CNTN4: variants seen among roughly 807,000 people sequenced by gnomAD.
The protein encoded by CNTN4 is contactin 4, also known as contactin-4.
Under a neutral mutation model 122.5 loss-of-function variants are expected in CNTN4, and 77 were observed. That is an observed-to-expected ratio of 0.63 (90% CI 0.52 to 0.76). The LOEUF (loss-of-function observed/expected upper bound fraction) is 0.76, where lower values mean the gene tolerates loss of function less well. CNTN4 is among the 30% of genes least tolerant of loss of function. The pLI, the probability that CNTN4 is intolerant of heterozygous loss-of-function variation, is 0.00. For synonymous variants in CNTN4, 512 were observed against 447.0 expected (o/e 1.15, Z -1.83); for missense variants, 1,256 against 1,259.1 (o/e 1.00, Z 0.04).
At chr3:2,251,823 T>C (rs955666824) in intron 2 of CNTN4, among the ~76,000 whole-genome samples, 2 of 151,916 alleles carry the variant, frequency 1.3e-5, no homozygotes, top group South Asian at 2.1e-4. Context: ...TGGTGTAGTT[T>C]TATTGAAGCC....
At chr3:2,352,451 G>T (rs1271384795) in intron 3 of CNTN4, among the ~76,000 whole-genome samples, 11 of 152,142 alleles carry the variant, frequency 7.2e-5, no homozygotes, top group African/African-American at 2.4e-4. Flanking sequence ...CTGGAGTTCC[G>T]GGTAGGTGCA....
chr3:2,676,422 A>G (rs2084848799), intron 4 of CNTN4, among the ~76,000 whole-genome samples: 1 of 152,152 alleles, frequency 6.6e-6, no homozygotes, highest in Non-Finnish European at 1.5e-5. Flanking sequence ...GGGTTTCTGT[A>G]TGTTGGCCAG....
At chr3:2,321,387 G>C (rs1479212373) in intron 2 of CNTN4, among the ~76,000 whole-genome samples, 1 of 152,080 alleles carries the variant, frequency 6.6e-6, no homozygotes, top group Admixed American at 6.6e-5. Flanking sequence ...TAATAAGGCT[G>C]TCCCCACAGA....
intron 6 of CNTN4, among the ~76,000 whole-genome samples, chr3:2,806,102 C>T (rs1559523535): frequency 6.6e-6 from 1 of 152,086 alleles, no homozygotes; most frequent in African/African-American, 2.4e-5. Flanking sequence ...GGGGTCTCAC[C>T]TTGTTAGCCA....
chr3:2,352,391 G>A (rs1036397845), intron 3 of CNTN4, among the ~76,000 whole-genome samples: 2 of 152,196 alleles, frequency 1.3e-5, no homozygotes, highest in African/African-American at 4.8e-5. Flanking sequence ...GGGAGGTGTG[G>A]AGGGAAAGGC....
At chr3:2,844,359 A>G (rs1206250802) in intron 7 of CNTN4, among the ~76,000 whole-genome samples, 3 of 152,216 alleles carry the variant, frequency 2.0e-5, no homozygotes, top group Non-Finnish European at 4.4e-5. Context: ...TGTTAAGGTC[A>G]CCATAGATAT....
intron 2 of CNTN4, among the ~76,000 whole-genome samples, chr3:2,175,101 G>C (rs1217514463): frequency 6.6e-6 from 1 of 152,090 alleles, no homozygotes; most frequent in East Asian, 1.9e-4. Context: ...ATAAATATTT[G>C]ATCTATGGAA....
intron 3 of CNTN4, among the ~76,000 whole-genome samples, chr3:2,502,305 G>A (rs774784015): frequency 6.6e-6 from 1 of 152,100 alleles, no homozygotes; most frequent in Non-Finnish European, 1.5e-5. Flanking sequence ...GTGTCTCATG[G>A]TGCATTCCTC....
Position 2,868,596 on chromosome 3 carries a change from A to C in CNTN4, c.652+1647A>C, listed in dbSNP as rs377300975. On this transcript the variant is annotated intron_variant, in intron 8 of 24. Coordinates refer to ENST00000418658, the MANE Select transcript of CNTN4 (RefSeq NM_175607.3). ...GAGAGGGTCTGAGCATCCTTTCTAC[A>C]TAGACTACACTGTGGAATTTTTGAG... 1.6e-4 allele frequency among the ~76,000 whole-genome samples: 24 copies of C among 152,232 alleles called. 1 individual carries two copies. The highest frequency in any genetic ancestry group is 5.8e-4 in the African/African-American group (24 of 41,498).
intron 11 of CNTN4, 84 bp from the exon 12 acceptor site, chr3:2,902,792 T>C (rs1316076672): frequency 1.4e-6 from 2 of 1,422,316 alleles, no homozygotes; most frequent in African/African-American, 2.8e-5. Flanking sequence ...CCATTAAGCT[T>C]CCTTGATATT....
intron 4 of CNTN4, among the ~76,000 whole-genome samples, chr3:2,625,276 A>G (rs976854940): frequency 2.0e-5 from 3 of 152,176 alleles, no homozygotes; most frequent in Non-Finnish European, 4.4e-5. Context: ...GACCCTGGAC[A>G]TCTTGGGACC....
intron 2 of CNTN4, among the ~76,000 whole-genome samples, chr3:2,319,376 A>G (rs1222288702): frequency 6.6e-6 from 1 of 152,170 alleles, no homozygotes; most frequent in Non-Finnish European, 1.5e-5. Context: ...TAACCCTTGA[A>G]CAACGTTAGC....
intron 2 of CNTN4, among the ~76,000 whole-genome samples, chr3:2,115,041 T>C (rs1009018516): frequency 2.0e-5 from 3 of 152,162 alleles, no homozygotes; most frequent in Admixed American, 6.5e-5. Context: ...CAGTCTTGTG[T>C]GATGATGAAA....
chr3:2,604,492 C>A (rs899873143), intron 4 of CNTN4, among the ~76,000 whole-genome samples: 1 of 151,986 alleles, frequency 6.6e-6, no homozygotes, highest in Admixed American at 6.6e-5. Flanking sequence ...AGATACATAT[C>A]TATGTAATAT....
chr3:2,900,584 A>T, intron 10 of CNTN4, 101 bp from the exon 11 acceptor site: 1 of 1,322,934 alleles, frequency 7.6e-7, no homozygotes, highest in Non-Finnish European at 1.1e-6. Flanking sequence ...TGGAAAAGGA[A>T]TTTTATTATA....
chr3:2,583,200 T>C (rs1330448091), intron 4 of CNTN4, among the ~76,000 whole-genome samples: 1 of 152,222 alleles, frequency 6.6e-6, no homozygotes, highest in African/African-American at 2.4e-5. Flanking sequence ...CTCTACTCTT[T>C]TCTAAGGAGC....
intron 2 of CNTN4, among the ~76,000 whole-genome samples, chr3:2,266,948 A>G (rs145259867): frequency 1.3e-4 from 20 of 152,286 alleles, no homozygotes; most frequent in East Asian, 5.8e-4. Context: ...ATGAGCAAAC[A>G]TTACTGTGAT....
At position 2,340,710 on chromosome 3, in the gene CNTN4, T is replaced by TATATATATATATAG; in HGVS notation, c.-89+1478_-89+1479insTATATATATATAGA. On this transcript the variant is annotated intron_variant, in intron 3 of 24. Coordinates refer to ENST00000418658, the MANE Select transcript of CNTN4 (RefSeq NM_175607.3). ...TTATATATATATATATATATATATA[T>TATATATATATATAG]AGAGAGAGAGAGAGAGAGAGAGAGA... 1.9e-3 allele frequency among the ~76,000 whole-genome samples: 34 copies of TATATATATATATAG among 18,302 alleles called. 1 individual carries two copies. Among genetic ancestry groups the TATATATATATATAG allele is most frequent in the Non-Finnish European group, 2.8e-3 (17 of 6,158 alleles). 12.0% of individuals were successfully genotyped at this position (18,302 alleles called of 152,430 possible). A position where few individuals can be genotyped will look rare whatever the true frequency, so the allele number is the denominator to read the frequency against.
chr3:2,451,631 G>A (rs957593946), intron 3 of CNTN4, among the ~76,000 whole-genome samples: 8 of 151,980 alleles, frequency 5.3e-5, no homozygotes, highest in African/African-American at 1.9e-4. Flanking sequence ...TATAAATGTA[G>A]TTATCCTCAC....
Sources: allele counts gnomAD v4.1 joint callset (sites outside exome capture counted in the v4.1 genomes callset), GRCh38; gene constraint gnomAD v4.1.1; transcripts MANE v1.5; gene names NCBI Gene and HGNC (gene_info 2026-07-23, HGNC 2026-07-21).